Variants in SLCO3A1 observed in about 807,000 individuals in gnomAD.
The protein encoded by SLCO3A1 is PGE1 transporter.
SLCO3A1 carries 27 observed loss-of-function variants against 63.1 expected under a neutral mutation model. The ratio of observed to expected loss-of-function variants is 0.43; its 90% CI spans 0.32 to 0.59. SLCO3A1 has a LOEUF of 0.59. SLCO3A1 is among the 20% of genes least tolerant of loss of function. The probability of loss-of-function intolerance (pLI) is 0.09; values close to 1 mark genes in which losing one functional copy is unlikely to be tolerated. For synonymous variants in SLCO3A1, 473 were observed against 409.9 expected, an observed-to-expected ratio of 1.15 and a Z score of -1.86; for missense variants, 773 against 945.8, an observed-to-expected ratio of 0.82 and a Z score of 2.40.
Position 91,856,946 on chromosome 15 carries a change from T to C in SLCO3A1, c.180+2858T>C, listed in dbSNP as rs1896934200. On this transcript the variant is annotated intron_variant, in intron 1 of 9. Transcript: ENST00000318445. This position sits in a 1 kb window ranked among gnomAD's most constrained non-coding sequence, Gnocchi z 4.9. ...AAGACAAATTTCTCAGTGTCCTGAA[T>C]GACACTAGTGTAGGCTTCCCAACTG... Among the ~76,000 whole-genome samples the C allele has an allele frequency of 6.6e-6, 1 of 152,222 alleles. No individual in the cohort carries two copies. Among genetic ancestry groups the C allele is most frequent in the East Asian group, 1.9e-4 (1 of 5,188 alleles).
chr15:92,015,214 G>A (rs1177607078), intron 2 of SLCO3A1, among the ~76,000 whole-genome samples: 4 of 152,122 alleles, frequency 2.6e-5, no homozygotes, highest in African/African-American at 7.2e-5. Flanking sequence ...GGAGCTTTCC[G>A]TAGGTCCTGT....
chr15:92,165,976 G>GTC (rs545770638), downstream of SLCO3A1: 1 of 789,498 alleles, frequency 1.3e-6, no homozygotes, highest in Non-Finnish European at 1.5e-6. Flanking sequence ...TGGATGAAAA[G>GTC]TCTCTCTCTG....
chr15:92,097,923 C>T (rs2047559765), intron 3 of SLCO3A1: 1 of 152,344 alleles, frequency 6.6e-6, no homozygotes, highest in African/African-American at 2.4e-5. Flanking sequence ...GCTTTAGGGC[C>T]TCCCCTATCT....
chr15:92,153,383 C>T (rs2151595640), intron 9 of SLCO3A1: 1 of 152,284 alleles, frequency 6.6e-6, no homozygotes. Context: ...TTATGAGTCT[C>T]CAATTAGAGG....
At chr15:92,068,913 C>T (rs1364971394) in intron 2 of SLCO3A1, among the ~76,000 whole-genome samples, 3 of 152,178 alleles carry the variant, frequency 2.0e-5, no homozygotes, top group South Asian at 4.1e-4. Context: ...ACCTGTAACA[C>T]GCTGGGTCAC....
intron 2 of SLCO3A1, among the ~76,000 whole-genome samples, chr15:91,970,887 T>C (rs928219015): frequency 6.6e-6 from 1 of 150,874 alleles, no homozygotes; most frequent in African/African-American, 2.4e-5. Flanking sequence ...GTGTGTGTGT[T>C]TGTGTGTGTG....
At chr15:92,012,760 A>C (rs1022450970) in intron 2 of SLCO3A1, among the ~76,000 whole-genome samples, 19 of 140,734 alleles carry the variant, frequency 1.4e-4, no homozygotes, top group African/African-American at 4.9e-4. Context: ...AAAAAAAAAA[A>C]AAAGGCTCAG....
intron 2 of SLCO3A1, among the ~76,000 whole-genome samples, chr15:92,086,246 C>G (rs2047402693): frequency 6.6e-6 from 1 of 152,176 alleles, no homozygotes; most frequent in Non-Finnish European, 1.5e-5. Context: ...TACACTCCTA[C>G]CAGCAGTGTA....
chr15:91,974,265 GTTA>G lies in SLCO3A1; in HGVS notation c.646+57840_646+57842del, dbSNP rs56317875. 7.5e-3 allele frequency among the ~76,000 whole-genome samples: 1,075 copies of G among 142,942 alleles called. 6 individuals are homozygous for G. Among genetic ancestry groups the G allele is most frequent in the African/African-American group, 9.4e-3 (365 of 38,882 alleles). The allele number at this position is 142,942 out of a possible 152,430, so 93.8% of individuals were successfully genotyped here. ...CTAAACGGACACCATTTTCATTATT[GTTA>G]TTATTATTATTATTATTATTATTAT... On this transcript the variant is annotated intron_variant, in intron 2 of 9. Coordinates refer to ENST00000318445, the MANE Select transcript of SLCO3A1 (RefSeq NM_013272.4).
intron 9 of SLCO3A1, 133 bp from the exon 10 acceptor site, chr15:92,162,623 C>T (rs1043720558): frequency 3.5e-6 from 5 of 1,420,648 alleles, no homozygotes; most frequent in Non-Finnish European, 4.7e-6. Context: ...CGCTTTGCCT[C>T]CTGAGCATGT....
intron 1 of SLCO3A1, among the ~76,000 whole-genome samples, chr15:91,898,331 T>G (rs1898061587): frequency 6.6e-6 from 1 of 152,246 alleles, no homozygotes; most frequent in African/African-American, 2.4e-5. Context: ...TGCATTTCCT[T>G]TTACATTTGC....
chr15:91,961,392 C>T (rs559170501), intron 2 of SLCO3A1, among the ~76,000 whole-genome samples: 2 of 152,286 alleles, frequency 1.3e-5, no homozygotes, highest in South Asian at 2.1e-4. Flanking sequence ...GCAATAGTGG[C>T]GTGTTGTCTT....
At chr15:92,037,299 T>C (rs1374069577) in intron 2 of SLCO3A1, among the ~76,000 whole-genome samples, 3 of 152,256 alleles carry the variant, frequency 2.0e-5, no homozygotes, top group Non-Finnish European at 4.4e-5. Context: ...GGAGGATTCA[T>C]GCATTCTTCA....
At chr15:91,921,315 A>G (rs1188830254) in intron 2 of SLCO3A1, among the ~76,000 whole-genome samples, 1 of 152,042 alleles carries the variant, frequency 6.6e-6, no homozygotes, top group African/African-American at 2.4e-5. Context: ...ATTTAACCTT[A>G]ATTGCCTCTT....
intron 2 of SLCO3A1, among the ~76,000 whole-genome samples, chr15:91,944,032 A>C (rs1899715538): frequency 6.6e-6 from 1 of 152,094 alleles, no homozygotes; most frequent in South Asian, 2.1e-4. Flanking sequence ...GCCATTTGCT[A>C]CCTGCACATC....
chr15:91,858,103 G>A (rs926227185), intron 1 of SLCO3A1, among the ~76,000 whole-genome samples: 3 of 152,036 alleles, frequency 2.0e-5, no homozygotes, highest in South Asian at 2.1e-4. Flanking sequence ...GAAACTGCTA[G>A]GTTTGTTACT....
chr15:92,011,638 A>G (rs925982469), intron 2 of SLCO3A1, among the ~76,000 whole-genome samples: 3 of 152,186 alleles, frequency 2.0e-5, no homozygotes, highest in African/African-American at 7.2e-5. Context: ...CCTTGGCGCC[A>G]TCAGTGCCTG....
In SLCO3A1 at chr15:91,915,610, A is replaced by G. The variant is rs1017906811; in HGVS notation, c.181-383A>G. 2.0e-5 allele frequency among the ~76,000 whole-genome samples: 3 copies of G among 151,958 alleles called. No homozygotes were observed. The East Asian group carries it at 5.8e-4, about 29-fold the overall frequency. On this transcript the variant is annotated intron_variant, in intron 1 of 9. Coordinates refer to ENST00000318445, the MANE Select transcript of SLCO3A1 (RefSeq NM_013272.4). ...GGCATGGACTTTATCCCTAGTATAT[A>G]TTTGGGAGTGTGTGCAAACCGCGCA...
chr15:92,014,587 C>T (rs1477444955), intron 2 of SLCO3A1, among the ~76,000 whole-genome samples: 1 of 152,160 alleles, frequency 6.6e-6, no homozygotes, highest in African/African-American at 2.4e-5. Context: ...CCTGCCCTCT[C>T]CTCCTTGTCA....
Sources: allele counts gnomAD v4.1 joint callset (sites outside exome capture counted in the v4.1 genomes callset), GRCh38; gene constraint gnomAD v4.1.1; non-coding constraint Gnocchi (gnomAD v3.1); transcripts MANE v1.5; gene names NCBI Gene and HGNC (gene_info 2026-07-23, HGNC 2026-07-21).